The following CCM2L variants were observed in gnomAD, a reference collection of about 807,000 sequenced individuals.
CCM2L encodes CCM2 like scaffold protein.
A neutral mutation model predicts 54.1 loss-of-function variants in CCM2L; 36 were observed. The ratio of observed to expected loss-of-function variants is 0.67; its 90% confidence interval spans 0.51 to 0.88. The LOEUF (loss-of-function observed/expected upper bound fraction) is 0.88. CCM2L is among the 40% of genes least tolerant of loss of function. The pLI is 0.00. For synonymous variants in CCM2L, 351 were observed against 359.3 expected (o/e 0.98, Z 0.26); for missense variants, 700 against 812.1 (o/e 0.86, Z 1.68).
intron 4 of CCM2L, 123 bp from the exon 5 acceptor site, chr20:32,018,820 G>A (rs1334276699): frequency 8.7e-7 from 1 of 1,152,358 alleles, no homozygotes. Context: ...CTACTTTAAA[G>A]CCGGGGGCGA....
chr20:32,030,571 C>T (rs1254462983), intron 9 of CCM2L, among the ~76,000 whole-genome samples: 3 of 151,998 alleles, frequency 2.0e-5, no homozygotes, highest in Non-Finnish European at 4.4e-5. Context: ...GGCGAGGTGG[C>T]TCACACCTGT....
chr20:32,029,653 G>T, intron 8 of CCM2L, 47 bp from the exon 9 acceptor site: 1 of 1,560,622 alleles, frequency 6.4e-7, no homozygotes, highest in Non-Finnish European at 8.7e-7. Flanking sequence ...CAGGGGTTGG[G>T]TGGCGCTGCT....
intron 2 of CCM2L, among the ~76,000 whole-genome samples, chr20:32,016,974 C>T (rs987668354): frequency 6.6e-6 from 1 of 151,778 alleles, no homozygotes; most frequent in Non-Finnish European, 1.5e-5. Flanking sequence ...ATGGTGAAAC[C>T]CCGTCTCTAC....
At chr20:32,030,386 AAAAC>A (rs1447664135) in intron 9 of CCM2L, among the ~76,000 whole-genome samples, 1 of 152,224 alleles carries the variant, frequency 6.6e-6, no homozygotes, top group Non-Finnish European at 1.5e-5. Flanking sequence ...GAATGGAAAT[AAAAC>A]AAACTGTTTA....
rs1227800136 is a variant in CCM2L at position 32,022,766 on chromosome 20, C to T, written c.1040C>T (p.Thr347Ile). ...VDRAGYHYTS[T>I]PERPWLCSRS... ...CGGGCTGGCTACCACTACACATCCA[C>T]ACCTGAACGGCCATGGCTCTGCAGC... is the stretch of plus-strand genomic sequence containing the variant. The change falls in exon 6 of 10, where the codon ACA (threonine) becomes ATA (isoleucine). Residue 347 changes from threonine to isoleucine, a missense_variant. Physicochemically the swap from Thr to Ile is moderately conservative, Grantham distance 89. Coordinates refer to ENST00000452892, the MANE Select transcript of CCM2L (RefSeq NM_001365692.1). The T allele has an allele frequency of 3.7e-6, 6 of 1,613,452 alleles. No homozygotes were observed. The African/African-American group carries it at 5.3e-5, about 14-fold the overall frequency.
chr20:32,029,742 A>ATGC lies in CCM2L; in HGVS notation c.1313_1315dup (p.Leu438dup). On this transcript the variant is annotated inframe_insertion, in exon 9 of 10. Coordinates refer to ENST00000452892, the MANE Select transcript of CCM2L (RefSeq NM_001365692.1). ...GCCCCTCGAGATCCAGCAGTTTGCGATGCTGCTGCGGGAGTACCGGCTGGG... is the reference window on the plus strand; with the variant it reads ...GCCCCTCGAGATCCAGCAGTTTGCGATGCTGCTGCTGCGGGAGTACCGGCTGGG... The ATGC allele has an allele frequency of 1.2e-6, 2 of 1,613,300 alleles. No homozygotes were observed. Among genetic ancestry groups the ATGC allele is most frequent in the Non-Finnish European group, 1.7e-6 (2 of 1,179,546 alleles).
intron 9 of CCM2L, among the ~76,000 whole-genome samples, chr20:32,030,361 A>G (rs1197765276): frequency 1.3e-5 from 2 of 152,206 alleles, no homozygotes; most frequent in Non-Finnish European, 2.9e-5. Context: ...CTGAGGTCAC[A>G]TAGCTAGTAA....
At chr20:32,028,244 C>T (rs2064881409) in intron 7 of CCM2L, 1 of 152,050 alleles carries the variant, frequency 6.6e-6, no homozygotes, top group Non-Finnish European at 1.5e-5. Flanking sequence ...TTGAGAGCAG[C>T]CTGGACAAAC....
intron 2 of CCM2L, 90 bp downstream of exon 2, chr20:32,015,161 A>AC (rs2122319077): frequency 1.5e-6 from 2 of 1,300,574 alleles, no homozygotes; most frequent in East Asian, 5.6e-5. Context: ...GCCGTATCTC[A>AC]CACAGGGGAA....
intron 5 of CCM2L, among the ~76,000 whole-genome samples, chr20:32,021,217 T>C (rs1343417111): frequency 6.6e-6 from 1 of 152,166 alleles, no homozygotes. Flanking sequence ...ATCCTTACAA[T>C]TGCTTACAAG....
At chr20:32,027,249 GAT>G (rs1273389020) in intron 7 of CCM2L, among the ~76,000 whole-genome samples, 1 of 152,162 alleles carries the variant, frequency 6.6e-6, no homozygotes, top group Non-Finnish European at 1.5e-5. Context: ...CTCTGCCAGT[GAT>G]ATATGTCTTA....
chr20:32,025,218 T>C (rs2064846472), intron 6 of CCM2L, among the ~76,000 whole-genome samples: 1 of 151,486 alleles, frequency 6.6e-6, no homozygotes, highest in African/African-American at 2.4e-5. Context: ...TCTTTTTTCC[T>C]TTCCTTTCCT....
intron 6 of CCM2L, among the ~76,000 whole-genome samples, chr20:32,024,806 G>A (rs1175538138): frequency 1.3e-5 from 2 of 152,180 alleles, no homozygotes; most frequent in African/African-American, 2.4e-5. Context: ...CAGCCTGGGC[G>A]ACAACAGCGA....
intron 6 of CCM2L, among the ~76,000 whole-genome samples, chr20:32,023,123 C>T (rs1294091471): frequency 6.6e-6 from 1 of 152,098 alleles, no homozygotes; most frequent in African/African-American, 2.4e-5. Context: ...TGTGCCACCA[C>T]ACCCAGCTAA....
At chr20:32,010,555 C>CAAAGGGGGGG in intron 1 of CCM2L, 71 bp downstream of exon 1, 1 of 126,164 alleles carries the variant, frequency 7.9e-6, no homozygotes, top group Non-Finnish European at 1.4e-5. Context: ...CAAACTGGGG[C>CAAAGGGGGGG]GGGGTGGGGG....
In CCM2L at chr20:32,028,903, T is replaced by C. The variant is rs188167511; in HGVS notation, c.1134-92T>C. ...GTATGCGAGGCCTTGGAGGCCAGCA[T>C]GCAGTCTAGGATGAGGCCTCCTACC... is the stretch of plus-strand genomic sequence containing the variant. On this transcript the variant is annotated intron_variant, in intron 7 of 9. Coordinates refer to ENST00000452892, the MANE Select transcript of CCM2L (RefSeq NM_001365692.1). The C allele has an allele frequency of 8.9e-5, 135 of 1,523,546 alleles. No individual in the cohort carries two copies. In the East Asian group the frequency reaches 2.9e-3, roughly 33 times the overall value. 94.4% of individuals were successfully genotyped at this position (1,523,546 alleles called of 1,614,324 possible). A position where few individuals can be genotyped will look rare whatever the true frequency, so the allele number is the denominator to read the frequency against.
At chr20:32,021,255 A>T (rs2064804491) in intron 5 of CCM2L, among the ~76,000 whole-genome samples, 1 of 152,148 alleles carries the variant, frequency 6.6e-6, no homozygotes, top group Non-Finnish European at 1.5e-5. Flanking sequence ...CACCATGCCC[A>T]CTTCCTCTGT....
chr20:32,018,880 G>A (rs2064768005), intron 4 of CCM2L, 63 bp from the exon 5 acceptor site: 2 of 1,242,676 alleles, frequency 1.6e-6, no homozygotes, highest in Admixed American at 4.3e-5. Flanking sequence ...AGCCGGCCTC[G>A]GCGGGGCGGG....
At chr20:32,021,030 G>A (rs2064801943) in intron 5 of CCM2L, among the ~76,000 whole-genome samples, 1 of 151,640 alleles carries the variant, frequency 6.6e-6, no homozygotes, top group African/African-American at 2.4e-5. Flanking sequence ...TACCCACCCA[G>A]GTCCATGCCC....
Sources: allele counts gnomAD v4.1 joint callset (sites outside exome capture counted in the v4.1 genomes callset), GRCh38; gene constraint gnomAD v4.1.1; transcripts MANE v1.5; gene names NCBI Gene and HGNC (gene_info 2026-07-23, HGNC 2026-07-21).